Variants in SMAD4 observed in about 807,000 individuals in gnomAD.
The protein encoded by SMAD4 is MAD homolog 4.
SMAD4 carries 7 observed loss-of-function variants against 63.2 expected under a neutral mutation model. The observed-to-expected ratio is 0.11, with a 90% CI of 0.06 to 0.21. The LOEUF is 0.21. SMAD4 is among the 10% of genes least tolerant of loss of function. The probability of loss-of-function intolerance (pLI) is 1.00; values close to 1 mark genes in which losing one functional copy is unlikely to be tolerated. For synonymous variants in SMAD4, 215 were observed against 235.4 expected, an observed-to-expected ratio of 0.91 and a Z score of 0.79; for missense variants, 312 against 693.8, an observed-to-expected ratio of 0.45 and a Z score of 6.18.
chr18:51,083,257 A>G lies in SMAD4; in HGVS notation c.*4790A>G, dbSNP rs1910652488. 1 of 226,670 alleles carries G rather than the reference A, an allele frequency of 4.4e-6. No individual in the cohort carries two copies. The highest frequency in any genetic ancestry group is 5.7e-5 in the Admixed American group (1 of 17,536). 14.0% of individuals were successfully genotyped at this position (226,670 alleles called of 1,614,324 possible). A position where few individuals can be genotyped will look rare whatever the true frequency, so the allele number is the denominator to read the frequency against. ...AAACAAACCTTGGGAAACTAAGGCC[A>G]TTTGTTTTGTTTTGGTGTCCCCTTT... On this transcript the variant is annotated 3_prime_UTR_variant, in exon 12 of 12. Coordinates refer to ENST00000342988, the MANE Select transcript of SMAD4 (RefSeq NM_005359.6).
chr18:51,033,219 T>A (rs951738842), intron 1 of SMAD4, among the ~76,000 whole-genome samples: 4 of 136,498 alleles, frequency 2.9e-5, no homozygotes, highest in Non-Finnish European at 1.5e-5. Flanking sequence ...AGATGGAGGC[T>A]CGCTCTGTTG....
At chr18:51,040,447 T>C (rs933861364) in intron 1 of SMAD4, among the ~76,000 whole-genome samples, 30 of 152,170 alleles carry the variant, frequency 2.0e-4, no homozygotes, top group African/African-American at 6.7e-4. Context: ...TTTTAAGCAC[T>C]TTTCTCAAAT....
intron 10 of SMAD4, among the ~76,000 whole-genome samples, chr18:51,073,389 A>ATATATATATATATAT (rs1568210358): frequency 7.4e-5 from 3 of 40,630 alleles, no homozygotes; most frequent in Non-Finnish European, 1.3e-4. Flanking sequence ...ATATATATAT[A>ATATATATATATATAT]CACACACACA....
chr18:51,073,380 TATATATATACAC>T (rs1292683917), intron 10 of SMAD4, among the ~76,000 whole-genome samples: 31 of 87,994 alleles, frequency 3.5e-4, no homozygotes, highest in African/African-American at 1.0e-3. Flanking sequence ...TATATATATA[TATATATATACAC>T]ACACACACAC....
chr18:51,051,014 T>C (rs375638476), intron 4 of SMAD4: 14 of 163,990 alleles, frequency 8.5e-5, no homozygotes, highest in Admixed American at 1.9e-4. Flanking sequence ...GACATTGATA[T>C]TGTATCACTT....
rs140301837 is a variant in SMAD4 at position 51,058,064 on chromosome 18, A to T, written c.668-61A>T. 1.2e-4 allele frequency: 191 copies of T among 1,596,960 alleles called. No homozygotes were observed. In the East Asian group the frequency reaches 4.2e-3, roughly 35 times the overall value. On this transcript the variant is annotated intron_variant, in intron 5 of 11. Transcript: ENST00000342988. The stretch of plus-strand genomic sequence containing the variant: ...AGATAAAATTGGTCCTTCATTTAGT[A>T]TATGAAATCATAAGATGACATCTAT...
At chr18:51,078,080 T>C (rs1337240350) in intron 11 of SMAD4, among the ~76,000 whole-genome samples, 176 bp from the exon 12 acceptor site, 2 of 152,260 alleles carry the variant, frequency 1.3e-5, no homozygotes, top group Non-Finnish European at 1.5e-5. Flanking sequence ...TAACCAAAAG[T>C]GTGCAGCTTG....
chr18:51,073,565 C>G (rs1343120262), intron 10 of SMAD4, among the ~76,000 whole-genome samples: 1 of 151,506 alleles, frequency 6.6e-6, no homozygotes, highest in Non-Finnish European at 1.5e-5. Flanking sequence ...GAGTCTTGCT[C>G]TGTTGCCCAG....
chr18:51,064,852 A>G (rs755662314), intron 8 of SMAD4, among the ~76,000 whole-genome samples: 3 of 152,226 alleles, frequency 2.0e-5, no homozygotes, highest in Admixed American at 6.5e-5. Flanking sequence ...TGATTAGAGT[A>G]TAATTAACCT....
In SMAD4 at chr18:51,051,155, A is replaced by G. The variant is rs1177211680; in HGVS notation, c.454+1831A>G. ...ATGATAAGTGTGTCTGAATCTCTCT[A>G]TGGGGCTGTTTGTGAGGGGGTTCAA... On this transcript the variant is annotated intron_variant, in intron 4 of 11. Coordinates refer to ENST00000342988, the MANE Select transcript of SMAD4 (RefSeq NM_005359.6). 9 of 280,126 alleles carry G rather than the reference A, an allele frequency of 3.2e-5. No individual in the cohort carries two copies. The Admixed American group carries it at 3.9e-4, about 12-fold the overall frequency. 17.4% of individuals were successfully genotyped at this position (280,126 alleles called of 1,614,324 possible). A position where few individuals can be genotyped will look rare whatever the true frequency, so the allele number is the denominator to read the frequency against.
rs1455213677 is a variant in SMAD4, at chr18:51,081,652, T to G, written c.*3185T>G. On this transcript the variant is annotated 3_prime_UTR_variant, in exon 12 of 12. Transcript: ENST00000342988. The stretch of plus-strand genomic sequence containing the variant: ...ATATTAGCTGTGCTGCATTTCAGAC[T>G]TAAAATCCATTTTTGTGGGGCAGGG... 1 of 232,836 alleles carries G rather than the reference T, an allele frequency of 4.3e-6. No homozygotes were observed. Among genetic ancestry groups the G allele is most frequent in the African/African-American group, 2.2e-5 (1 of 45,314 alleles). The allele number at this position is 232,836 out of a possible 1,614,324, so 14.4% of individuals were successfully genotyped here.
At chr18:51,062,848 C>CTTTTT (rs1366376175) in intron 8 of SMAD4, among the ~76,000 whole-genome samples, 102 of 83,498 alleles carry the variant, frequency 1.2e-3, no homozygotes, top group East Asian at 3.7e-3. Context: ...TCTGGCTTTA[C>CTTTTT]TTGTTTTTTT....
At chr18:51,045,415 C>G (rs1909513671) in intron 1 of SMAD4, among the ~76,000 whole-genome samples, 1 of 152,140 alleles carries the variant, frequency 6.6e-6, no homozygotes. Flanking sequence ...AAAGTACAGG[C>G]TCCAGTCCTG....
chr18:51,042,401 A>C (rs1909414772), intron 1 of SMAD4, among the ~76,000 whole-genome samples: 1 of 140,546 alleles, frequency 7.1e-6, no homozygotes, highest in Non-Finnish European at 1.5e-5. Flanking sequence ...CCCTTACTTC[A>C]GGCTCTGTTA....
intron 4 of SMAD4, among the ~76,000 whole-genome samples, chr18:51,051,953 C>T (rs1487211601): frequency 6.6e-6 from 1 of 152,074 alleles, no homozygotes; most frequent in Non-Finnish European, 1.5e-5. Flanking sequence ...ATTACAGGTG[C>T]CCGCCACCAT....
chr18:51,030,711 A>ACGGCGGCGG (rs533316618), intron 1 of SMAD4, 88 bp downstream of exon 1: 17 of 150,172 alleles, frequency 1.1e-4, no homozygotes, highest in African/African-American at 2.5e-4. Flanking sequence ...GCTCCCGACG[A>ACGGCGGCGG]CGGCGGCGGC....
chr18:51,076,608 C>T (rs2144473327), intron 10 of SMAD4, 30 bp from the exon 11 acceptor site: 1 of 1,608,050 alleles, frequency 6.2e-7, no homozygotes, highest in Admixed American at 1.7e-5. Flanking sequence ...TCTTTATGAA[C>T]TCATAGTATG....
intron 10 of SMAD4, among the ~76,000 whole-genome samples, chr18:51,070,962 CTTCA>C (rs766651085): frequency 1.3e-5 from 2 of 152,050 alleles, no homozygotes; most frequent in African/African-American, 2.4e-5. Flanking sequence ...GTAAGTTAAA[CTTCA>C]TTATGAGGTA....
rs199846258 is a variant in SMAD4, at chr18:51,079,877, A to G, written c.*1410A>G. The G allele has an allele frequency of 4.3e-6, 1 of 232,546 alleles. No homozygotes were observed. Among genetic ancestry groups the G allele is most frequent in the Admixed American group, 5.6e-5 (1 of 17,752 alleles). The allele number at this position is 232,546 out of a possible 1,614,324, so 14.4% of individuals were successfully genotyped here. A position where few individuals can be genotyped will look rare whatever the true frequency, so the allele number is the denominator to read the frequency against. On this transcript the variant is annotated 3_prime_UTR_variant, in exon 12 of 12. Transcript: ENST00000342988. ...GGTACCTTCTACTAAATGACAGGCA[A>G]CAGCCAGTTCTATTGGGCAGCTTTG...
Sources: gnomAD v4.1 joint callset for allele counts (sites outside exome capture counted in the v4.1 genomes callset) on GRCh38, gnomAD v4.1.1 for gene constraint, MANE v1.5 for transcripts, NCBI Gene and HGNC (gene_info 2026-07-23, HGNC 2026-07-21) for gene names.